SLC71A2: variants seen among roughly 807,000 people sequenced by gnomAD.
SLC71A2 encodes hippocampus abundant transcript-like 1.
At chr9:94,443,627 A>G in the SLC71A2 span, among the ~76,000 whole-genome samples, 1 of 152,338 alleles carries the variant, frequency 6.6e-6, no homozygotes, top group East Asian at 1.9e-4. Flanking sequence ...GAGTTTAGAT[A>G]AAAACACAGA....
the SLC71A2 span, among the ~76,000 whole-genome samples, chr9:94,409,442 C>T: frequency 2.0e-5 from 3 of 151,364 alleles, no homozygotes; most frequent in East Asian, 1.9e-4. Flanking sequence ...ACACTGCACC[C>T]GGCCTGATTT....
chr9:94,375,029 C>G, the SLC71A2 span: 2 of 723,196 alleles, frequency 2.8e-6, no homozygotes, highest in Non-Finnish European at 3.7e-6. Context: ...GGCTTCGGCT[C>G]TTGGAAAGTC....
chr9:94,436,180 T>C, the SLC71A2 span, among the ~76,000 whole-genome samples: 1 of 152,228 alleles, frequency 6.6e-6, no homozygotes, highest in Non-Finnish European at 1.5e-5. Flanking sequence ...ATATTTTTCA[T>C]CCATGATTGG....
chr9:94,393,718 T>A, the SLC71A2 span, among the ~76,000 whole-genome samples: 1 of 147,910 alleles, frequency 6.8e-6, no homozygotes, highest in Admixed American at 6.9e-5. Flanking sequence ...TATGTATATA[T>A]AATGTGCTTT....
the SLC71A2 span, among the ~76,000 whole-genome samples, chr9:94,396,258 G>A: frequency 6.6e-6 from 1 of 150,996 alleles, no homozygotes; most frequent in African/African-American, 2.4e-5. Flanking sequence ...GCTCACACCT[G>A]TAATCCTAGC....
chr9:94,383,032 A>G, the SLC71A2 span, among the ~76,000 whole-genome samples: 1 of 151,866 alleles, frequency 6.6e-6, no homozygotes, highest in Admixed American at 6.6e-5. Context: ...TTTAGATTTT[A>G]CAATTGGGTT....
chr9:94,430,380 G>A, the SLC71A2 span, among the ~76,000 whole-genome samples: 3 of 151,904 alleles, frequency 2.0e-5, no homozygotes, highest in Non-Finnish European at 1.5e-5. Flanking sequence ...CCACCACTAC[G>A]CTCAGCTAAT....
At chr9:94,448,179 T>A in the SLC71A2 span, among the ~76,000 whole-genome samples, 2 of 152,212 alleles carry the variant, frequency 1.3e-5, no homozygotes, top group African/African-American at 4.8e-5. Context: ...CAGGTCTGAT[T>A]GAAGCCAGCT....
At chr9:94,384,105 C>T in the SLC71A2 span, among the ~76,000 whole-genome samples, 2 of 151,882 alleles carry the variant, frequency 1.3e-5, no homozygotes, top group African/African-American at 4.9e-5. Flanking sequence ...TCCAGAACTA[C>T]TTCTTCTTTC....
chr9:94,374,879 AGCCAT>A, the SLC71A2 span: 1 of 1,178,690 alleles, frequency 8.5e-7, no homozygotes, highest in Non-Finnish European at 1.1e-6. Context: ...CCGAGGCGGG[AGCCAT>A]GCCGGAGAAG....
At chr9:94,443,781 T>C in the SLC71A2 span, among the ~76,000 whole-genome samples, 1 of 152,128 alleles carries the variant, frequency 6.6e-6, no homozygotes, top group Non-Finnish European at 1.5e-5. Flanking sequence ...CCCATAACTG[T>C]TTGCTTGTCG....
the SLC71A2 span, chr9:94,460,339 GTCCT>G: frequency 6.6e-6 from 1 of 152,602 alleles, no homozygotes; most frequent in African/African-American, 2.4e-5. Flanking sequence ...TGTCTTCCAT[GTCCT>G]GCTTCTCAAA....
the SLC71A2 span, among the ~76,000 whole-genome samples, chr9:94,411,739 C>T: frequency 6.6e-5 from 10 of 151,810 alleles, no homozygotes; most frequent in Non-Finnish European, 4.4e-5. Flanking sequence ...TACAGGCACC[C>T]GCCACCAAGC....
At chr9:94,451,579 CAT>C in the SLC71A2 span, 25 of 931,890 alleles carry the variant, frequency 2.7e-5, no homozygotes, top group Non-Finnish European at 4.1e-5. Context: ...TCCTGATAAC[CAT>C]AGTTTCACAG....
the SLC71A2 span, chr9:94,456,355 C>CA: frequency 6.2e-7 from 1 of 1,601,464 alleles, no homozygotes; most frequent in East Asian, 2.2e-5. Context: ...CACTGCCCCC[C>CA]ACTTGTTTTT....
the SLC71A2 span, chr9:94,459,272 C>G: frequency 6.2e-7 from 1 of 1,613,786 alleles, no homozygotes; most frequent in South Asian, 1.1e-5. Context: ...AGTTCAAAAA[C>G]ACAGTAACAG....
the SLC71A2 span, among the ~76,000 whole-genome samples, chr9:94,437,294 A>T: frequency 7.1e-6 from 1 of 139,992 alleles, no homozygotes; most frequent in Admixed American, 7.4e-5. Context: ...ATACCTGTGT[A>T]CTCATCACCT....
the SLC71A2 span, among the ~76,000 whole-genome samples, chr9:94,417,520 G>A: frequency 3.9e-5 from 6 of 151,966 alleles, no homozygotes; most frequent in East Asian, 5.8e-4. Flanking sequence ...CCAGCTACTC[G>A]GAAGGCTGAG....
chr9:94,446,137 T>C, the SLC71A2 span, among the ~76,000 whole-genome samples: 1 of 152,240 alleles, frequency 6.6e-6, no homozygotes, highest in Non-Finnish European at 1.5e-5. Flanking sequence ...CTAGTGTCTG[T>C]TGCCCAGCAA....
Sources: allele counts gnomAD v4.1 joint callset (sites outside exome capture counted in the v4.1 genomes callset), GRCh38; gene constraint gnomAD v4.1.1; transcripts MANE v1.5; gene names NCBI Gene and HGNC (gene_info 2026-07-23, HGNC 2026-07-21).